ASCC3: variants seen among roughly 807,000 people sequenced by gnomAD.
The protein encoded by ASCC3 is activating signal cointegrator 1 complex subunit 3.
A neutral mutation model predicts 256.3 loss-of-function variants in ASCC3; 158 were observed. That is an observed-to-expected ratio of 0.62 (90% CI 0.54 to 0.70). ASCC3 has a LOEUF of 0.70. ASCC3 is among the 30% of genes least tolerant of loss of function. ASCC3 has a pLI of 0.00. For synonymous variants in ASCC3, 948 were observed against 883.4 expected (o/e 1.07, Z -1.30); for missense variants, 2,259 against 2,626.0 (o/e 0.86, Z 3.05).
chr6:100,622,019 A>T (rs1002420038), intron 30 of ASCC3, among the ~76,000 whole-genome samples: 12 of 152,170 alleles, frequency 7.9e-5, no homozygotes, highest in Admixed American at 6.6e-5. Context: ...GTTCTCACTT[A>T]TAAGTGGGAG....
intron 22 of ASCC3, among the ~76,000 whole-genome samples, chr6:100,644,558 T>C (rs187720527): frequency 1.3e-5 from 2 of 152,330 alleles, no homozygotes; most frequent in African/African-American, 4.8e-5. Flanking sequence ...TGGATAGATA[T>C]ACTGTATTTT....
intron 8 of ASCC3, among the ~76,000 whole-genome samples, chr6:100,793,020 T>C (rs1312393816): frequency 6.6e-6 from 1 of 151,986 alleles, no homozygotes; most frequent in Non-Finnish European, 1.5e-5. Flanking sequence ...ACTTTTTCAT[T>C]CCAAACCCAT....
intron 36 of ASCC3, among the ~76,000 whole-genome samples, chr6:100,584,454 T>C (rs539903345): frequency 6.6e-6 from 1 of 152,202 alleles, no homozygotes; most frequent in East Asian, 1.9e-4. Context: ...ACTTCCTCCA[T>C]CCTTTTATTT....
chr6:100,714,886 T>TG (rs1779018475), intron 13 of ASCC3, among the ~76,000 whole-genome samples: 2 of 151,830 alleles, frequency 1.3e-5, no homozygotes, highest in Admixed American at 6.6e-5. Context: ...AGATTTAGTC[T>TG]GGGAAAAAAA....
chr6:100,687,599 A>G (rs991212188), intron 13 of ASCC3, among the ~76,000 whole-genome samples: 1 of 152,078 alleles, frequency 6.6e-6, no homozygotes, highest in South Asian at 2.1e-4. Flanking sequence ...AGGTTATAAT[A>G]ATATATTCAT....
At chr6:100,650,875 T>TA (rs1415131928) in intron 19 of ASCC3, among the ~76,000 whole-genome samples, 161 bp from the exon 20 acceptor site, 1 of 151,864 alleles carries the variant, frequency 6.6e-6, no homozygotes, top group Non-Finnish European at 1.5e-5. Flanking sequence ...CATAGGTAGC[T>TA]AAAAAACTGC....
chr6:100,630,662 G>GAATA (rs1182941618), intron 26 of ASCC3, among the ~76,000 whole-genome samples: 2 of 151,452 alleles, frequency 1.3e-5, no homozygotes, highest in African/African-American at 4.8e-5. Context: ...ATACTGCAAT[G>GAATA]AATAACCTTG....
chr6:100,856,193 A>G (rs1035213550), intron 3 of ASCC3: 8 of 179,596 alleles, frequency 4.5e-5, no homozygotes, highest in African/African-American at 1.9e-4. Context: ...GAAACAAATT[A>G]ACCCACTTGG....
intron 11 of ASCC3, among the ~76,000 whole-genome samples, chr6:100,722,253 G>A (rs942538263): frequency 6.6e-6 from 1 of 151,786 alleles, no homozygotes; most frequent in African/African-American, 2.4e-5. Context: ...AGTATAGTTT[G>A]AAGGTGGGTA....
chr6:100,712,868 C>CT (rs1778918257), intron 13 of ASCC3, among the ~76,000 whole-genome samples: 1 of 149,482 alleles, frequency 6.7e-6, no homozygotes, highest in Non-Finnish European at 1.5e-5. Flanking sequence ...CGCCATTCTC[C>CT]TGCCTCAGGC....
At chr6:100,767,047 A>G (rs1020562782) in intron 9 of ASCC3, 98 bp downstream of exon 9, 2 of 1,224,274 alleles carry the variant, frequency 1.6e-6, no homozygotes, top group South Asian at 2.6e-5. Context: ...TTCAAGTACA[A>G]TATCTTTAAG....
intron 10 of ASCC3, among the ~76,000 whole-genome samples, chr6:100,746,935 A>C (rs561616600): frequency 1.2e-4 from 18 of 152,250 alleles, no homozygotes; most frequent in African/African-American, 3.8e-4. Flanking sequence ...TTGATGCTGG[A>C]AGTTCAAAAG....
intron 7 of ASCC3, among the ~76,000 whole-genome samples, 197 bp from the exon 8 acceptor site, chr6:100,799,035 C>T (rs1769779349): frequency 6.6e-6 from 1 of 151,930 alleles, no homozygotes; most frequent in Non-Finnish European, 1.5e-5. Flanking sequence ...AAAGCATTAA[C>T]ATATCAGGTA....
intron 37 of ASCC3, among the ~76,000 whole-genome samples, chr6:100,519,551 T>A (rs1774200571): frequency 6.6e-6 from 1 of 152,120 alleles, no homozygotes. Context: ...AAAAGAGTAG[T>A]TCACAAGTCA....
intron 14 of ASCC3, among the ~76,000 whole-genome samples, chr6:100,668,004 G>A (rs1486554892): frequency 6.6e-6 from 1 of 151,960 alleles, no homozygotes; most frequent in Admixed American, 6.6e-5. Context: ...AATAGACAGT[G>A]GCCATTACTG....
At chr6:100,625,081 C>T (rs556496890) in intron 30 of ASCC3, 111 bp downstream of exon 30, 244 of 1,228,266 alleles carry the variant, frequency 2.0e-4, no homozygotes, top group Non-Finnish European at 2.5e-4. Flanking sequence ...GGTAAGGTGG[C>T]GGTATTATGA....
intron 36 of ASCC3, among the ~76,000 whole-genome samples, chr6:100,555,770 T>C (rs531023140): frequency 3.0e-4 from 45 of 152,318 alleles, no homozygotes; most frequent in African/African-American, 1.1e-3. Flanking sequence ...AAAGGGATAC[T>C]GAGATTAACA....
intron 36 of ASCC3, among the ~76,000 whole-genome samples, chr6:100,584,138 T>A (rs1771491898): frequency 6.6e-6 from 1 of 151,430 alleles, no homozygotes; most frequent in African/African-American, 2.4e-5. Context: ...TTCCTGGGTA[T>A]CCTTGTTGAC....
chr6:100,609,930 G>T (rs1037404523), intron 30 of ASCC3, among the ~76,000 whole-genome samples: 3 of 152,094 alleles, frequency 2.0e-5, no homozygotes, highest in African/African-American at 7.2e-5. Context: ...AAGAAAAAAA[G>T]AAAGTCCAGT....
Sources: allele counts gnomAD v4.1 joint callset (sites outside exome capture counted in the v4.1 genomes callset), GRCh38; gene constraint gnomAD v4.1.1; transcripts MANE v1.5; gene names NCBI Gene and HGNC (gene_info 2026-07-23, HGNC 2026-07-21).